KDR: variants seen among roughly 807,000 people sequenced by gnomAD.
KDR encodes the protein vascular endothelial growth factor receptor 2.
In KDR, 43 loss-of-function variants were observed where a neutral mutation model predicts 160.9. That is an observed-to-expected ratio of 0.27 (90% CI 0.21 to 0.34). The LOEUF is 0.34. Ranked by LOEUF, KDR falls within the 10% of genes least tolerant of loss-of-function variation. KDR has a pLI of 1.00. For synonymous variants in KDR, 617 were observed against 600.1 expected (o/e 1.03, Z -0.41); for missense variants, 1,469 against 1,666.4 (o/e 0.88, Z 2.06).
intron 2 of KDR, among the ~76,000 whole-genome samples, chr4:55,120,464 A>G (rs1720842565): frequency 6.6e-6 from 1 of 152,198 alleles, no homozygotes; most frequent in Non-Finnish European, 1.5e-5. Flanking sequence ...CTACTTCTCC[A>G]GTTATCAAAA....
chr4:55,106,955 A>G, intron 10 of KDR, 145 bp from the exon 11 acceptor site: 2 of 737,924 alleles, frequency 2.7e-6, no homozygotes, highest in South Asian at 1.5e-5. Context: ...CTTGGCGCCA[A>G]TTAAAAATAG....
chr4:55,081,806 T>C, intron 29 of KDR, 150 bp downstream of exon 29: 1 of 629,824 alleles, frequency 1.6e-6, no homozygotes, highest in African/African-American at 1.8e-5. Flanking sequence ...TATTGTGTGG[T>C]TAGTTTCCAT....
chr4:55,095,051 T>C, intron 20 of KDR, 96 bp from the exon 21 acceptor site: 2 of 1,212,968 alleles, frequency 1.6e-6, no homozygotes, highest in Non-Finnish European at 2.4e-6. Context: ...TGGAGATAAT[T>C]GAAACTACTA....
chr4:55,099,155 A>T (rs1720246601), intron 15 of KDR, among the ~76,000 whole-genome samples: 1 of 151,962 alleles, frequency 6.6e-6, no homozygotes, highest in South Asian at 2.1e-4. Flanking sequence ...AGCTGGGACT[A>T]CAGGTGCATA....
At position 55,104,828 on chromosome 4, in the gene KDR, G is replaced by A. The variant is rs1313095150; in HGVS notation, c.1802C>T (p.Pro601Leu). Reference protein sequence around the residue: ...LPIHVGELPTPVCKNLDTLWK... With the variant: ...LPIHVGELPTLVCKNLDTLWK... ...AAGAGTATCCAAGTTCTTGCAAACA[G>A]GTGTGGGCAACTCTCCCACATGGAT... Residue 601 changes from proline to leucine, a missense_variant, in exon 13 of 30, where the codon CCT becomes CTT. By Grantham distance (98) the Pro-to-Leu change is moderately conservative (BLOSUM62 -3). This residue lies in a region of KDR where 792 missense variants were observed against 840.9 expected (regional missense o/e 0.94). Transcript: ENST00000263923. The A allele has an allele frequency of 6.8e-6, 11 of 1,613,960 alleles. No individual in the cohort carries two copies. Among genetic ancestry groups the A allele is most frequent in the Admixed American group, 1.7e-5 (1 of 60,006 alleles).
intron 29 of KDR, among the ~76,000 whole-genome samples, chr4:55,081,402 G>A (rs192215208): frequency 3.3e-5 from 5 of 152,098 alleles, no homozygotes; most frequent in Admixed American, 2.0e-4. Context: ...TTAAGAGAAC[G>A]TACACGTATT....
intron 3 of KDR, among the ~76,000 whole-genome samples, chr4:55,118,045 C>A (rs1345637906): frequency 6.6e-6 from 1 of 152,080 alleles, no homozygotes; most frequent in Non-Finnish European, 1.5e-5. Context: ...ACCAAACAAG[C>A]AAAGGAAAGA....
chr4:55,115,368 T>C lies in KDR; in HGVS notation c.402A>G (p.Gly134=). The change falls in exon 4 of 30, where the codon GGA becomes GGG. Residue 134 remains glycine (G), a synonymous_variant. Coordinates refer to ENST00000263923, the MANE Select transcript of KDR (RefSeq NM_002253.4). Reference sequence around the variant, plus strand: ...TTTTGTTCTCAGTAATGTACACGACTCCATGTTGGTCACTAACAGAAGCAA... The same window carrying C: ...TTTTGTTCTCAGTAATGTACACGACCCCATGTTGGTCACTAACAGAAGCAA... ...PFIASVSDQH[G]VVYITENKNK... is the part of the protein sequence containing the mutation. 1 of 1,551,158 alleles carries C rather than the reference T, an allele frequency of 6.4e-7. No homozygotes were observed. Among genetic ancestry groups the C allele is most frequent in the Non-Finnish European group, 8.9e-7 (1 of 1,122,738 alleles).
Position 55,084,167 on chromosome 4 carries a change from T to C in KDR, c.3663-1532A>G, listed in dbSNP as rs75573438. Among the ~76,000 whole-genome samples, 103 of 152,292 alleles carry C rather than the reference T, an allele frequency of 6.8e-4. 1 individual carries two copies. The highest frequency in any genetic ancestry group is 1.3e-3 in the Non-Finnish European group (88 of 68,036). ...CTTATCCAAAATCACATAACTGGAA[T>C]GTTTGGATTATTATTTTGAGGGCAA... On this transcript the variant is annotated intron_variant, in intron 27 of 29. Coordinates refer to ENST00000263923, the MANE Select transcript of KDR (RefSeq NM_002253.4).
chr4:55,090,766 C>G (rs180739369), intron 22 of KDR, among the ~76,000 whole-genome samples: 2 of 151,768 alleles, frequency 1.3e-5, no homozygotes, highest in Non-Finnish European at 2.9e-5. Context: ...TCCTACTACT[C>G]GGCAGCTTTA....
intron 9 of KDR, among the ~76,000 whole-genome samples, chr4:55,108,737 TCTTCCTTCTCCCTTCTCTCA>T (rs1370895759): frequency 6.6e-6 from 1 of 151,260 alleles, no homozygotes; most frequent in Non-Finnish European, 1.5e-5. Context: ...TCTTCCCCTT[TCTTCCTTCTCCCTTCTCTCA>T]CTTCCTTCTT....
At chr4:55,110,066 G>C (rs527839667) in intron 9 of KDR, among the ~76,000 whole-genome samples, 1 of 152,302 alleles carries the variant, frequency 6.6e-6, no homozygotes, top group Non-Finnish European at 1.5e-5. Context: ...TACCAGGTGG[G>C]CAATTCCATG....
Position 55,078,675 on chromosome 4 carries a change from T to C in KDR, c.*1266A>G, listed in dbSNP as rs78879588. 1.8e-3 allele frequency: 425 copies of C among 232,802 alleles called. 1 individual carries two copies. Among genetic ancestry groups the C allele is most frequent in the Non-Finnish European group, 3.1e-3 (369 of 117,786 alleles). 14.4% of individuals were successfully genotyped at this position (232,802 alleles called of 1,614,324 possible). ...GCCATAGCATGTCTTATAGTCATTG[T>C]TCCCAGCATTTCACACTATGGTACC... On this transcript the variant is annotated 3_prime_UTR_variant, in exon 30 of 30. Coordinates refer to ENST00000263923, the MANE Select transcript of KDR (RefSeq NM_002253.4).
At chr4:55,105,805 C>A (rs748328225) in intron 12 of KDR, 27 bp downstream of exon 12, 2 of 1,424,098 alleles carry the variant, frequency 1.4e-6, no homozygotes, top group Admixed American at 3.3e-5. Context: ...AGTGATCCAA[C>A]CCAAACCTCC....
At chr4:55,110,821 A>T in intron 7 of KDR, 53 bp from the exon 8 acceptor site, 4 of 1,437,584 alleles carry the variant, frequency 2.8e-6, no homozygotes, top group African/African-American at 1.4e-5. Flanking sequence ...TGGTCATTTG[A>T]TTTAGTTTTT....
chr4:55,123,497 G>C (rs1486178442), intron 1 of KDR, among the ~76,000 whole-genome samples: 3 of 152,212 alleles, frequency 2.0e-5, no homozygotes, highest in African/African-American at 7.2e-5. Context: ...TCATTCATAG[G>C]AAGCTGAGAC....
At position 55,115,151 on chromosome 4, in the gene KDR, T is replaced by C. The variant is rs1578139051; in HGVS notation, c.490-109A>G. ...TATTTTTAAGAATACTAATTAGTTT[T>C]ATTCATTGCATTTGACCCTTCCTAA... On this transcript the variant is annotated intron_variant, in intron 4 of 29. Transcript: ENST00000263923. 13 of 1,240,912 alleles carry C rather than the reference T, an allele frequency of 1.0e-5. No individual in the cohort carries two copies. The East Asian group carries it at 3.0e-4, about 28-fold the overall frequency. The allele number at this position is 1,240,912 out of a possible 1,614,324, so 76.9% of individuals were successfully genotyped here. A position where few individuals can be genotyped will look rare whatever the true frequency, so the allele number is the denominator to read the frequency against.
chr4:55,118,416 C>T (rs563976418), intron 3 of KDR, among the ~76,000 whole-genome samples, 188 bp downstream of exon 3: 37 of 152,276 alleles, frequency 2.4e-4, no homozygotes, highest in African/African-American at 8.2e-4. Context: ...AGAGGTAACA[C>T]GGCCCAAGCT....
At chr4:55,105,131 T>C in intron 12 of KDR, 147 bp from the exon 13 acceptor site, 2 of 700,252 alleles carry the variant, frequency 2.9e-6, no homozygotes, top group East Asian at 2.7e-5. Flanking sequence ...ACAAACAAAC[T>C]AGACAATTCA....
Sources: allele counts gnomAD v4.1 joint callset (sites outside exome capture counted in the v4.1 genomes callset), GRCh38; gene constraint gnomAD v4.1.1; regional missense constraint gnomAD v4.1.1; transcripts MANE v1.5; gene names NCBI Gene and HGNC (gene_info 2026-07-23, HGNC 2026-07-21).